Variants in DNAH5 observed in about 807,000 individuals in gnomAD.
The protein encoded by DNAH5 is axonemal beta dynein heavy chain 5.
A neutral mutation model predicts 518.2 loss-of-function variants in DNAH5; 372 were observed. The observed-to-expected ratio is 0.72, with a 90% CI of 0.66 to 0.78. The LOEUF is 0.78. DNAH5 is among the 30% of genes least tolerant of loss of function. The pLI, the probability that DNAH5 is intolerant of heterozygous loss-of-function variation, is 0.00. For synonymous variants in DNAH5, 2,039 were observed against 2,025.9 expected (o/e 1.01, Z -0.17); for missense variants, 5,523 against 5,687.0 (o/e 0.97, Z 0.93).
intron 52 of DNAH5, 26 bp downstream of exon 52, chr5:13,786,153 G>A (rs765430158): frequency 1.2e-6 from 2 of 1,612,688 alleles, no homozygotes; most frequent in East Asian, 4.5e-5. Context: ...ACCTCCACAA[G>A]GCACTACTCA....
intron 11 of DNAH5, among the ~76,000 whole-genome samples, chr5:13,913,429 T>A (rs542644238): frequency 6.6e-6 from 1 of 152,108 alleles, no homozygotes; most frequent in Non-Finnish European, 1.5e-5. Context: ...AAATATTTCT[T>A]GCAAGAATAA....
chr5:13,728,581 G>A (rs1230173437), intron 69 of DNAH5, among the ~76,000 whole-genome samples: 1 of 152,000 alleles, frequency 6.6e-6, no homozygotes, highest in Non-Finnish European at 1.5e-5. Context: ...ATCCTATTGG[G>A]GAATAACCCG....
intron 16 of DNAH5, among the ~76,000 whole-genome samples, 165 bp downstream of exon 16, chr5:13,894,485 A>G (rs1773660085): frequency 6.6e-6 from 1 of 152,220 alleles, no homozygotes; most frequent in Non-Finnish European, 1.5e-5. Flanking sequence ...AGTTTCCAGG[A>G]AATTACTGAA....
intron 1 of DNAH5, among the ~76,000 whole-genome samples, chr5:13,965,771 T>C (rs1397485312): frequency 6.6e-6 from 1 of 152,228 alleles, no homozygotes; most frequent in African/African-American, 2.4e-5. Context: ...AAATCTTCAC[T>C]AACAGCTGTA....
intron 1 of DNAH5, among the ~76,000 whole-genome samples, chr5:13,993,557 A>G (rs552237242): frequency 1.3e-4 from 20 of 152,252 alleles, no homozygotes; most frequent in Non-Finnish European, 2.5e-4. Context: ...TTAATATGTA[A>G]GTGTAATTGC....
intron 1 of DNAH5, among the ~76,000 whole-genome samples, chr5:13,941,463 A>G (rs1293948388): frequency 6.6e-6 from 1 of 152,194 alleles, no homozygotes; most frequent in Non-Finnish European, 1.5e-5. Flanking sequence ...GATCTGCTCT[A>G]TGTGAAATTT....
chr5:14,003,947 C>T (rs912708433), intron 1 of DNAH5, among the ~76,000 whole-genome samples: 1 of 152,172 alleles, frequency 6.6e-6, no homozygotes, highest in Non-Finnish European at 1.5e-5. Flanking sequence ...TAGGAGAGAC[C>T]CCCATGCCAG....
At chr5:13,713,124 T>TATATATAC (rs1554018603) in intron 75 of DNAH5, among the ~76,000 whole-genome samples, 8 of 146,618 alleles carry the variant, frequency 5.5e-5, no homozygotes, top group Admixed American at 3.4e-4. Flanking sequence ...TATATATATA[T>TATATATAC]ACACACACAC....
Position 13,737,275 on chromosome 5 carries a change from G to A in DNAH5, c.11432C>T (p.Ser3811Leu). Residue 3811 changes from serine (S) to leucine (L), a missense_variant, in exon 66 of 79, where the codon TCA (serine) becomes TTA (leucine). Coordinates refer to ENST00000265104, the MANE Select transcript of DNAH5 (RefSeq NM_001369.3). ...ACCAGGTCTGTATTCCTCCCGGGCT[G>A]AGTTAATTTGAACTTCTGTCTCAGC... is the stretch of plus-strand genomic sequence containing the variant. ...ISAETEVQIN[S>L]AREEYRPVAT... is the part of the protein sequence containing the mutation. 6.2e-7 allele frequency: 1 copy of A among 1,614,050 alleles called. No homozygotes were observed.
rs900746873 is a variant in DNAH5 at position 13,966,233 on chromosome 5, A to G, written c.13-34989T>C. ...TGTGTATGTGTGTATGTGTGTATAT[A>G]TATCACATTTTCTTTATCCACTCGT... On this transcript the variant is annotated intron_variant, in intron 1 of 78. Coordinates refer to the DNAH5 transcript ENST00000681290. Among the ~76,000 whole-genome samples the G allele has an allele frequency of 1.4e-4, 21 of 152,054 alleles. 1 individual carries two copies. Among genetic ancestry groups the G allele is most frequent in the African/African-American group, 4.8e-4 (20 of 41,456 alleles).
At chr5:13,968,123 C>T (rs939663153) in intron 1 of DNAH5, among the ~76,000 whole-genome samples, 1 of 152,058 alleles carries the variant, frequency 6.6e-6, no homozygotes, top group Admixed American at 6.5e-5. Context: ...ATTTGATTCT[C>T]AGCTTGGTCA....
intron 1 of DNAH5, among the ~76,000 whole-genome samples, chr5:13,985,070 C>T (rs1455047439): frequency 6.6e-6 from 1 of 152,122 alleles, no homozygotes; most frequent in African/African-American, 2.4e-5. Context: ...AAATGTGGCA[C>T]AAATACACCA....
intron 17 of DNAH5, 26 bp from the exon 18 acceptor site, chr5:13,886,155 GATAGCACAGTGGT>G: frequency 9.7e-7 from 1 of 1,031,250 alleles, no homozygotes; most frequent in Non-Finnish European, 1.4e-6. Flanking sequence ...AAAAAAAAAA[GATAGCACAGTGGT>G]ATATGGTTTA....
intron 51 of DNAH5, among the ~76,000 whole-genome samples, chr5:13,786,992 G>T (rs1756132254): frequency 6.6e-6 from 1 of 151,974 alleles, no homozygotes; most frequent in Non-Finnish European, 1.5e-5. Context: ...GGCCAAGGTG[G>T]GCAGATCACT....
chr5:13,729,372 T>A, intron 69 of DNAH5, 67 bp downstream of exon 69: 1 of 1,596,596 alleles, frequency 6.3e-7, no homozygotes. Flanking sequence ...ACAAATATTG[T>A]ACCTAGTGAT....
intron 1 of DNAH5, among the ~76,000 whole-genome samples, chr5:13,998,234 T>G (rs1784099589): frequency 6.6e-6 from 1 of 152,220 alleles, no homozygotes; most frequent in Admixed American, 6.5e-5. Flanking sequence ...GTTCCATCCA[T>G]GGCACCTTGT....
intron 55 of DNAH5, among the ~76,000 whole-genome samples, chr5:13,775,534 A>G (rs956058255): frequency 1.3e-5 from 2 of 152,160 alleles, no homozygotes; most frequent in African/African-American, 4.8e-5. Context: ...AGATAGACAG[A>G]CAGACAGACA....
At chr5:13,927,967 A>G in intron 3 of DNAH5, 127 bp downstream of exon 3, 1 of 740,644 alleles carries the variant, frequency 1.4e-6, no homozygotes, top group Non-Finnish European at 2.4e-6. Context: ...ACATGGACCC[A>G]CACACGCATC....
intron 31 of DNAH5, 43 bp from the exon 32 acceptor site, chr5:13,845,036 G>A (rs2151870692): frequency 6.3e-7 from 1 of 1,592,406 alleles, no homozygotes; most frequent in African/African-American, 1.3e-5. Context: ...ACCACACAAA[G>A]CTGGTCGTTC....
Sources: gnomAD v4.1 joint callset for allele counts (sites outside exome capture counted in the v4.1 genomes callset) on GRCh38, gnomAD v4.1.1 for gene constraint, MANE v1.5 for transcripts, NCBI Gene and HGNC (gene_info 2026-07-23, HGNC 2026-07-21) for gene names.